Variants in LRRTM4 observed in about 807,000 individuals in gnomAD.
LRRTM4 encodes leucine-rich repeat transmembrane neuronal protein 4.
In LRRTM4, 25 loss-of-function variants were observed where a neutral mutation model predicts 47.6. The observed-to-expected ratio is 0.53, with a 90% confidence interval of 0.38 to 0.73. The LOEUF (loss-of-function observed/expected upper bound fraction) is 0.73. Ranked by LOEUF, LRRTM4 falls within the 30% of genes least tolerant of loss-of-function variation. LRRTM4 has a pLI of 0.00. For missense variants in LRRTM4, 638 were observed against 713.4 expected (o/e 0.89, Z 1.20); for synonymous variants, 311 against 269.5 (o/e 1.15, Z -1.51).
intron 3 of LRRTM4, among the ~76,000 whole-genome samples, chr2:76,789,365 C>T (rs1373783866): frequency 6.6e-6 from 1 of 152,174 alleles, no homozygotes; most frequent in East Asian, 1.9e-4. Context: ...AGCCTCTTGA[C>T]CTCACCACCC....
intron 3 of LRRTM4, among the ~76,000 whole-genome samples, chr2:76,846,372 AGGATAATTT>A (rs1174193182): frequency 6.6e-6 from 1 of 152,178 alleles, no homozygotes; most frequent in Admixed American, 6.5e-5. Flanking sequence ...AACTTCACTT[AGGATAATTT>A]GCTCAGAACT....
chr2:77,317,215 CAT>C (rs1361135918), intron 3 of LRRTM4, among the ~76,000 whole-genome samples: 3 of 152,044 alleles, frequency 2.0e-5, no homozygotes, highest in Non-Finnish European at 2.9e-5. Context: ...TCTAAAATAA[CAT>C]ATGACAAATA....
chr2:76,858,768 A>AT (rs1402240877), intron 3 of LRRTM4, among the ~76,000 whole-genome samples: 1 of 152,186 alleles, frequency 6.6e-6, no homozygotes, highest in Non-Finnish European at 1.5e-5. Flanking sequence ...CACCTTAAAT[A>AT]TTTTATTGTT....
chr2:77,428,099 TCTC>T (rs1438243459), intron 3 of LRRTM4, among the ~76,000 whole-genome samples: 1 of 152,212 alleles, frequency 6.6e-6, no homozygotes. Context: ...GCTTGACACT[TCTC>T]CTTCCTGCCA....
chr2:77,452,536 G>A (rs186251401), intron 3 of LRRTM4, among the ~76,000 whole-genome samples: 1 of 152,298 alleles, frequency 6.6e-6, no homozygotes, highest in Admixed American at 6.5e-5. Context: ...AATGGATGAC[G>A]TTAGGAGGCA....
intron 3 of LRRTM4, among the ~76,000 whole-genome samples, chr2:77,450,783 TC>T: frequency 6.6e-6 from 1 of 152,274 alleles, no homozygotes; most frequent in Admixed American, 6.5e-5. Flanking sequence ...ATTATAATAT[TC>T]TAAATTTTAT....
intron 3 of LRRTM4, among the ~76,000 whole-genome samples, chr2:77,457,050 ATGT>A (rs1676589433): frequency 1.7e-4 from 2 of 11,858 alleles, no homozygotes; most frequent in South Asian, 2.9e-3. Flanking sequence ...ATATATATAT[ATGT>A]ATAACCTGGA....
chr2:76,841,714 C>A (rs1573196769), intron 3 of LRRTM4, among the ~76,000 whole-genome samples: 2 of 142,772 alleles, frequency 1.4e-5, no homozygotes, highest in East Asian at 4.0e-4. Context: ...GAATTCAAGA[C>A]AAAATAGACA....
chr2:77,504,615 A>G (rs1376487377), intron 3 of LRRTM4, among the ~76,000 whole-genome samples: 1 of 151,598 alleles, frequency 6.6e-6, no homozygotes, highest in Non-Finnish European at 1.5e-5. Flanking sequence ...ATCATTTAAC[A>G]AAACAGAACG....
At chr2:77,464,382 T>G (rs931926517) in intron 3 of LRRTM4, among the ~76,000 whole-genome samples, 1 of 152,168 alleles carries the variant, frequency 6.6e-6, no homozygotes, top group African/African-American at 2.4e-5. Context: ...TATATAATTT[T>G]ACATTTTTAA....
intron 3 of LRRTM4, among the ~76,000 whole-genome samples, chr2:77,448,314 G>T (rs924284514): frequency 6.6e-6 from 1 of 152,080 alleles, no homozygotes; most frequent in African/African-American, 2.4e-5. Flanking sequence ...GTGCATACCT[G>T]GCTTCTGGTA....
At chr2:77,438,298 T>C (rs1427626652) in intron 3 of LRRTM4, among the ~76,000 whole-genome samples, 1 of 152,028 alleles carries the variant, frequency 6.6e-6, no homozygotes, top group East Asian at 1.9e-4. Flanking sequence ...TTTATATATA[T>C]TTTGAAAATC....
In LRRTM4 at chr2:77,510,440, T is replaced by C. The variant is rs750831811; in HGVS notation, c.1551+7878A>G. 3.9e-4 allele frequency among the ~76,000 whole-genome samples: 59 copies of C among 152,108 alleles called. 1 individual carries two copies. The highest frequency in any genetic ancestry group is 6.2e-4 in the Non-Finnish European group (42 of 67,960). Reference sequence around the variant, plus strand: ...ATCACAATTTCAAGGCTTTGCCTAATGACATTTTATTTTAAGAGAAGGCAA... The same window carrying C: ...ATCACAATTTCAAGGCTTTGCCTAACGACATTTTATTTTAAGAGAAGGCAA... On this transcript the variant is annotated intron_variant, in intron 3 of 3. Coordinates refer to ENST00000409884, the MANE Select transcript of LRRTM4 (RefSeq NM_001134745.3).
At chr2:77,350,008 G>A (rs999617806) in intron 3 of LRRTM4, among the ~76,000 whole-genome samples, 1 of 151,982 alleles carries the variant, frequency 6.6e-6, no homozygotes, top group Non-Finnish European at 1.5e-5. Context: ...TTTTTCACTC[G>A]TAAATTTTTA....
In LRRTM4 at chr2:77,099,422, T is replaced by C. The variant is rs11690828; in HGVS notation, c.1552-350506A>G. On this transcript the variant is annotated intron_variant, in intron 3 of 3. Coordinates refer to ENST00000409884, the MANE Select transcript of LRRTM4 (RefSeq NM_001134745.3). Reference sequence around the variant, plus strand: ...TATTAAAATTTGCATATCAATATTATACATGGTTTAAGGAGACTATATATA... The same window carrying C: ...TATTAAAATTTGCATATCAATATTACACATGGTTTAAGGAGACTATATATA... Among the ~76,000 whole-genome samples the C allele has an allele frequency of 3.5e-4, 53 of 151,938 alleles. 1 individual carries two copies. Among genetic ancestry groups the C allele is most frequent in the Admixed American group, 3.5e-3 (53 of 15,260 alleles).
At chr2:77,518,262 C>T (rs1217060636) in intron 3 of LRRTM4, 56 bp downstream of exon 3, 1 of 1,479,266 alleles carries the variant, frequency 6.8e-7, no homozygotes, top group Admixed American at 2.5e-5. Flanking sequence ...GGGCTTCAAA[C>T]ATTTACCTCT....
intron 3 of LRRTM4, among the ~76,000 whole-genome samples, chr2:77,359,007 T>A (rs1454362652): frequency 6.6e-6 from 1 of 152,182 alleles, no homozygotes; most frequent in Non-Finnish European, 1.5e-5. Context: ...TTTAATTATA[T>A]TAATCCTTTA....
chr2:76,851,476 A>G (rs529438962), intron 3 of LRRTM4, among the ~76,000 whole-genome samples: 2 of 152,132 alleles, frequency 1.3e-5, no homozygotes, highest in Non-Finnish European at 2.9e-5. Context: ...TACCTAAAAG[A>G]TCTAAAGATA....
At chr2:76,882,106 G>T (rs921874577) in intron 3 of LRRTM4, among the ~76,000 whole-genome samples, 1 of 151,876 alleles carries the variant, frequency 6.6e-6, no homozygotes, top group African/African-American at 2.4e-5. Flanking sequence ...TGTAACTTCC[G>T]TTCAGAAGTT....
Sources: allele counts gnomAD v4.1 joint callset (sites outside exome capture counted in the v4.1 genomes callset), GRCh38; gene constraint gnomAD v4.1.1; transcripts MANE v1.5; gene names NCBI Gene and HGNC (gene_info 2026-07-23, HGNC 2026-07-21).